Variants in SPAG17 observed in about 807,000 individuals in gnomAD.
The protein encoded by SPAG17 is sperm-associated antigen 17.
SPAG17 carries 169 observed loss-of-function variants against 273.6 expected under a neutral mutation model. That is an observed-to-expected ratio of 0.62 (90% CI 0.55 to 0.70). The LOEUF (loss-of-function observed/expected upper bound fraction) is 0.70, where lower values mean the gene tolerates loss of function less well. SPAG17 is among the 30% of genes least tolerant of loss of function. SPAG17 has a pLI of 0.00. For synonymous variants in SPAG17, 825 were observed against 873.2 expected (o/e 0.94, Z 0.97); for missense variants, 2,557 against 2,627.8 (o/e 0.97, Z 0.59).
At chr1:118,004,833 T>C (rs12037489) in intron 32 of SPAG17, among the ~76,000 whole-genome samples, 9,988 of 152,282 alleles carry the variant, frequency 0.066, 531 homozygotes, top group East Asian at 0.31. Context: ...ACTGTCCAAC[T>C]GGTCCCAGTG....
At chr1:118,041,515 ATATATC>A (rs1305741264) in intron 21 of SPAG17, among the ~76,000 whole-genome samples, 2 of 151,992 alleles carry the variant, frequency 1.3e-5, no homozygotes, top group Non-Finnish European at 2.9e-5. Flanking sequence ...ACTTATTTAC[ATATATC>A]TATAAGAATG....
chr1:118,061,019 T>C (rs1652232484), intron 18 of SPAG17, among the ~76,000 whole-genome samples: 1 of 152,148 alleles, frequency 6.6e-6, no homozygotes, highest in African/African-American at 2.4e-5. Flanking sequence ...CTGGGATGGT[T>C]ATTATAAACA....
chr1:118,009,930 T>A (rs1004492915), intron 30 of SPAG17, among the ~76,000 whole-genome samples: 6 of 151,844 alleles, frequency 4.0e-5, no homozygotes, highest in African/African-American at 1.5e-4. Flanking sequence ...AAAAAAGAAA[T>A]CTGTCATTTG....
At chr1:118,041,101 G>T (rs1324423016) in intron 21 of SPAG17, among the ~76,000 whole-genome samples, 1 of 152,138 alleles carries the variant, frequency 6.6e-6, no homozygotes, top group Non-Finnish European at 1.5e-5. Context: ...TCATCATACT[G>T]TTGTCAAGGC....
chr1:118,131,152 G>A (rs1369317706), intron 3 of SPAG17, among the ~76,000 whole-genome samples: 1 of 152,192 alleles, frequency 6.6e-6, no homozygotes, highest in African/African-American at 2.4e-5. Flanking sequence ...CTGCCTGGTT[G>A]AGGTTCCTTT....
chr1:118,012,087 T>C, intron 30 of SPAG17, 141 bp downstream of exon 30: 1 of 621,512 alleles, frequency 1.6e-6, no homozygotes, highest in South Asian at 2.4e-5. Flanking sequence ...CTGCTTTGGA[T>C]GGCATGGGTT....
At chr1:117,975,552 C>T (rs1021226401) in intron 43 of SPAG17, among the ~76,000 whole-genome samples, 6 of 152,102 alleles carry the variant, frequency 3.9e-5, no homozygotes, top group Non-Finnish European at 7.4e-5. Context: ...AGAATGTGGA[C>T]CTAAGTGTGT....
Position 118,018,281 on chromosome 1 carries a change from G to A in SPAG17, c.4070-2099C>T, listed in dbSNP as rs530577432. On this transcript the variant is annotated intron_variant, in intron 28 of 48. Coordinates refer to ENST00000336338, the MANE Select transcript of SPAG17 (RefSeq NM_206996.4). ...TGTGGATTATTAACAGAAATCATTCGTGTCCTTTCCCACCCCACTCTAGAA... is the reference window on the plus strand; with the variant it reads ...TGTGGATTATTAACAGAAATCATTCATGTCCTTTCCCACCCCACTCTAGAA... 1.6e-4 allele frequency among the ~76,000 whole-genome samples: 24 copies of A among 152,208 alleles called. 1 individual carries two copies. Among genetic ancestry groups the A allele is most frequent in the Middle Eastern group, 3.4e-3 (1 of 294 alleles).
At chr1:118,097,620 C>A in intron 7 of SPAG17, 50 bp downstream of exon 7, 2 of 1,406,936 alleles carry the variant, frequency 1.4e-6, no homozygotes, top group South Asian at 1.6e-5. Flanking sequence ...CAAATAGAAC[C>A]ACTGTGTCAC....
rs773980579 is a variant in SPAG17 at position 118,036,763 on chromosome 1, A to G, written c.3433+7T>C. The stretch of plus-strand genomic sequence containing the variant: ...CACACTTATCCTTGCTGTTGTGTTC[A>G]TTTCACCTGGTGCCATTCCATTTGA... On this transcript the variant is annotated splice_region_variant and intron_variant, in intron 24 of 48. Coordinates refer to ENST00000336338, the MANE Select transcript of SPAG17 (RefSeq NM_206996.4). The G allele has an allele frequency of 1.9e-6, 3 of 1,545,374 alleles. No homozygotes were observed. In the African/African-American group the frequency reaches 4.1e-5, roughly 21 times the overall value.
intron 3 of SPAG17, among the ~76,000 whole-genome samples, chr1:118,148,702 C>T (rs1659204857): frequency 6.6e-6 from 1 of 152,198 alleles, no homozygotes; most frequent in South Asian, 2.1e-4. Context: ...GTTGGTACAA[C>T]CATGCAAGAT....
chr1:118,093,050 T>A, intron 8 of SPAG17, 106 bp downstream of exon 8: 1 of 1,229,992 alleles, frequency 8.1e-7, no homozygotes, highest in Non-Finnish European at 1.1e-6. Flanking sequence ...AGTATGACCT[T>A]AATGTAAGTA....
chr1:118,076,779 T>C (rs907905711), intron 15 of SPAG17, among the ~76,000 whole-genome samples: 2 of 152,166 alleles, frequency 1.3e-5, no homozygotes, highest in Non-Finnish European at 2.9e-5. Context: ...CATAATCCTT[T>C]GACAGTGTGA....
Position 118,150,325 on chromosome 1 carries a change from A to G in SPAG17, c.315+218T>C, listed in dbSNP as rs573937270. 9 of 359,030 alleles carry G rather than the reference A, an allele frequency of 2.5e-5. No homozygotes were observed. The East Asian group carries it at 4.7e-4, about 19-fold the overall frequency. The allele number at this position is 359,030 out of a possible 1,614,324, so 22.2% of individuals were successfully genotyped here. A position where few individuals can be genotyped will look rare whatever the true frequency, so the allele number is the denominator to read the frequency against. On this transcript the variant is annotated intron_variant, in intron 3 of 48. Coordinates refer to ENST00000336338, the MANE Select transcript of SPAG17 (RefSeq NM_206996.4). ...ATTAGATGCAATGATGGTATAAACG[A>G]TCTAGGAAATTGTATTTGTAAAGGG...
Position 118,099,631 on chromosome 1 carries a change from C to T in SPAG17, c.804G>A (p.Gln268=). 2 of 1,614,068 alleles carry T rather than the reference C, an allele frequency of 1.2e-6. No homozygotes were observed. Among genetic ancestry groups the T allele is most frequent in the South Asian group, 1.1e-5 (1 of 91,078 alleles). Residue 268 remains glutamine, a synonymous_variant, in exon 6 of 49, where the codon CAG becomes CAA. Coordinates refer to ENST00000336338, the MANE Select transcript of SPAG17 (RefSeq NM_206996.4). ...CTTCTGACTGAAGAAGAACTTCCTG[C>T]TGCTGGTTAACTGCTGCCAGGTGTG... ...LQTHLAAVNQ[Q]QEVLLQSEDL...
intron 3 of SPAG17, among the ~76,000 whole-genome samples, chr1:118,146,001 G>A (rs1399514933): frequency 6.6e-6 from 1 of 152,096 alleles, no homozygotes; most frequent in African/African-American, 2.4e-5. Context: ...TCATTTCCTG[G>A]TTGGTAGGCA....
chr1:117,953,884 C>A lies in SPAG17; in HGVS notation c.*166G>T. 1.3e-6 allele frequency: 1 copy of A among 794,944 alleles called. No homozygotes were observed. The highest frequency in any genetic ancestry group is 1.9e-5 in the South Asian group (1 of 53,924). The allele number at this position is 794,944 out of a possible 1,614,324, so 49.2% of individuals were successfully genotyped here. ...AATGCTTTTTGGCACTCTATTCGCA[C>A]GTCTTTATTAAACAGATTGAAGCTA... On this transcript the variant is annotated 3_prime_UTR_variant, in exon 49 of 49. Transcript: ENST00000336338.
intron 1 of SPAG17, among the ~76,000 whole-genome samples, chr1:118,172,713 A>C (rs1660475357): frequency 6.6e-6 from 1 of 152,196 alleles, no homozygotes. Flanking sequence ...TAATGAAAAA[A>C]ATTTACGTCT....
chr1:117,988,542 G>T (rs544043335), intron 38 of SPAG17, among the ~76,000 whole-genome samples: 6 of 152,202 alleles, frequency 3.9e-5, no homozygotes, highest in Non-Finnish European at 8.8e-5. Context: ...CATTGAAATT[G>T]TTTTTCTGGA....
Sources: allele counts gnomAD v4.1 joint callset (sites outside exome capture counted in the v4.1 genomes callset), GRCh38; gene constraint gnomAD v4.1.1; transcripts MANE v1.5; gene names NCBI Gene and HGNC (gene_info 2026-07-23, HGNC 2026-07-21).